Variants in KLHL7 observed in about 807,000 individuals in gnomAD.
The protein encoded by KLHL7 is kelch like family member 7, also known as kelch-like protein 7.
A neutral mutation model predicts 67.4 loss-of-function variants in KLHL7; 44 were observed. That is an observed-to-expected ratio of 0.65 (90% CI 0.51 to 0.84). The LOEUF (loss-of-function observed/expected upper bound fraction) is 0.84. Among genes scored for constraint, KLHL7 ranks in the 40% least tolerant of loss-of-function variants. KLHL7 has a pLI of 0.00. For synonymous variants in KLHL7, 252 were observed against 243.3 expected, an observed-to-expected ratio of 1.04 and a Z score of -0.33; for missense variants, 362 against 718.1, an observed-to-expected ratio of 0.50 and a Z score of 5.67.
At position 23,146,421 on chromosome 7, in the gene KLHL7, AGTTTGT is replaced by A. The variant is rs1464320812; in HGVS notation, c.793+2403_793+2408del. ...AGTCTCTTAGTACTATCAAAGACGG[AGTTTGT>A]GTTTGTTTCTTGTTTCTTTGTTGTT... On this transcript the variant is annotated intron_variant, in intron 6 of 10. Coordinates refer to ENST00000339077, the MANE Select transcript of KLHL7 (RefSeq NM_001031710.3). Among the ~76,000 whole-genome samples, 7 of 152,174 alleles carry A rather than the reference AGTTTGT, an allele frequency of 4.6e-5. No individual in the cohort carries two copies. In the Middle Eastern group the frequency reaches 0.014, roughly 296 times the overall value.
chr7:23,150,429 T>G (rs1282838181), intron 6 of KLHL7, among the ~76,000 whole-genome samples: 1 of 152,172 alleles, frequency 6.6e-6, no homozygotes, highest in South Asian at 2.1e-4. Flanking sequence ...AAATATACAT[T>G]TTTAACACAA....
At chr7:23,128,202 CA>C (rs1402630946) in intron 4 of KLHL7, among the ~76,000 whole-genome samples, 1 of 150,438 alleles carries the variant, frequency 6.6e-6, no homozygotes, top group Non-Finnish European at 1.5e-5. Context: ...TTTTGACATT[CA>C]ATTGAATTGA....
At chr7:23,112,746 G>A (rs535312780) in intron 1 of KLHL7, among the ~76,000 whole-genome samples, 13 of 152,246 alleles carry the variant, frequency 8.5e-5, no homozygotes, top group Admixed American at 4.6e-4. Context: ...TTATTTTGAT[G>A]GGCAGACAAA....
chr7:23,106,465 C>T (rs371479435), intron 1 of KLHL7: 1 of 1,210,294 alleles, frequency 8.3e-7, no homozygotes, highest in Non-Finnish European at 1.0e-6. Flanking sequence ...GGGCGAGGAT[C>T]CTTCCATTGG....
chr7:23,149,232 T>A (rs59576328), intron 6 of KLHL7, among the ~76,000 whole-genome samples: 14 of 152,258 alleles, frequency 9.2e-5, no homozygotes, highest in African/African-American at 3.4e-4. Flanking sequence ...CCCAAAGGAA[T>A]AAGCCTAAGC....
intron 7 of KLHL7, among the ~76,000 whole-genome samples, chr7:23,152,804 CACTCACATTTCT>C (rs1018837170): frequency 1.2e-4 from 18 of 152,062 alleles, no homozygotes; most frequent in Non-Finnish European, 1.2e-4. Context: ...TAAGACGGTC[CACTCACATTTCT>C]ACTCCTTGTT....
At chr7:23,138,999 T>C (rs1043463023) in intron 4 of KLHL7, among the ~76,000 whole-genome samples, 6 of 151,676 alleles carry the variant, frequency 4.0e-5, no homozygotes, top group Admixed American at 6.6e-5. Flanking sequence ...AATAGCAACA[T>C]TGGATGAAGA....
chr7:23,142,490 T>C (rs1201974544), intron 5 of KLHL7, among the ~76,000 whole-genome samples: 1 of 152,076 alleles, frequency 6.6e-6, no homozygotes, highest in African/African-American at 2.4e-5. Flanking sequence ...ATGATCAAAA[T>C]TGGTTGACTT....
In KLHL7 at chr7:23,105,956, CCA is replaced by C. The variant is rs1185031733; in HGVS notation, c.-70_-69del. On this transcript the variant is annotated 5_prime_UTR_variant, in exon 1 of 11. Transcript: ENST00000339077. ...TCGCCGTGTTTGGTCGATAGAATCC[CCA>C]GTGTGCCCAGAGAGTGCGACCCCTC... 1 of 1,571,488 alleles carries C rather than the reference CCA, an allele frequency of 6.4e-7. No homozygotes were observed. Among genetic ancestry groups the C allele is most frequent in the South Asian group, 1.2e-5 (1 of 85,938 alleles).
At chr7:23,123,553 T>C (rs1304091186) in intron 1 of KLHL7, among the ~76,000 whole-genome samples, 2 of 152,158 alleles carry the variant, frequency 1.3e-5, no homozygotes, top group Non-Finnish European at 2.9e-5. Flanking sequence ...GAACTTTTTC[T>C]TTCCTCTTGA....
chr7:23,143,830 T>C (rs751309452), intron 5 of KLHL7, 21 bp from the exon 6 acceptor site: 2 of 1,613,046 alleles, frequency 1.2e-6, no homozygotes, highest in African/African-American at 1.3e-5. Context: ...AGAACTTTAC[T>C]GTGCTGTTTT....
intron 6 of KLHL7, among the ~76,000 whole-genome samples, chr7:23,146,236 C>T (rs558684480): frequency 1.3e-5 from 2 of 152,220 alleles, no homozygotes; most frequent in Non-Finnish European, 2.9e-5. Context: ...TTCATCCCTA[C>T]CTGCACTTCT....
chr7:23,174,554 T>A lies in KLHL7; in HGVS notation c.*256T>A, dbSNP rs1185509313. ...TATAAGCATTTGTTAAAAATGTGAA[T>A]TTCTTGAATGAATTTCACATTTGTA... On this transcript the variant is annotated 3_prime_UTR_variant, in exon 11 of 11. Coordinates refer to ENST00000339077, the MANE Select transcript of KLHL7 (RefSeq NM_001031710.3). 1 of 602,490 alleles carries A rather than the reference T, an allele frequency of 1.7e-6. No homozygotes were observed. The highest frequency in any genetic ancestry group is 2.1e-5 in the Admixed American group (1 of 47,198). 37.3% of individuals were successfully genotyped at this position (602,490 alleles called of 1,614,324 possible).
chr7:23,105,828 T>G lies in KLHL7; in HGVS notation c.-199T>G. ...CAGCCCAGTTGGTAGCGTCGCTCCC[T>G]GAGCGTTTCTAAGGGGGCCGCCCGG... On this transcript the variant is annotated 5_prime_UTR_variant, in exon 1 of 11. Transcript: ENST00000339077. 5.4e-6 allele frequency: 4 copies of G among 742,912 alleles called. No homozygotes were observed. The highest frequency in any genetic ancestry group is 8.9e-6 in the Non-Finnish European group (4 of 450,864). The allele number at this position is 742,912 out of a possible 1,614,324, so 46.0% of individuals were successfully genotyped here.
In KLHL7 at chr7:23,175,086, A is replaced by G. The variant is rs908273668; in HGVS notation, c.*788A>G. The G allele has an allele frequency of 2.2e-6, 1 of 454,070 alleles. No individual in the cohort carries two copies. Among genetic ancestry groups the G allele is most frequent in the Middle Eastern group, 6.9e-4 (1 of 1,444 alleles). 28.1% of individuals were successfully genotyped at this position (454,070 alleles called of 1,614,324 possible). A position where few individuals can be genotyped will look rare whatever the true frequency, so the allele number is the denominator to read the frequency against. ...TGATTAACTAGCAAAAAGTAAAGCT[A>G]TTTATAGCAAATTTCTAGATCATTA... is the stretch of plus-strand genomic sequence containing the variant. On this transcript the variant is annotated 3_prime_UTR_variant, in exon 11 of 11. Transcript: ENST00000339077.
rs536424020 is a variant in KLHL7 at position 23,175,223 on chromosome 7, A to G, written c.*925A>G. On this transcript the variant is annotated 3_prime_UTR_variant, in exon 11 of 11. Coordinates refer to ENST00000339077, the MANE Select transcript of KLHL7 (RefSeq NM_001031710.3). The stretch of plus-strand genomic sequence containing the variant: ...GAAATATTTAACCTAGTTGTCTCTA[A>G]AAGTTTTGTAATCATGAGTTAGATA... The G allele has an allele frequency of 2.2e-6, 1 of 454,064 alleles. No homozygotes were observed. The highest frequency in any genetic ancestry group is 4.4e-6 in the Non-Finnish European group (1 of 226,764). The allele number at this position is 454,064 out of a possible 1,614,324, so 28.1% of individuals were successfully genotyped here.
At chr7:23,171,011 G>A (rs766825780) in intron 9 of KLHL7, 69 of 150,918 alleles carry the variant, frequency 4.6e-4, no homozygotes, top group Non-Finnish European at 8.6e-4. Flanking sequence ...AGGTTCAAGC[G>A]ATTCTCCTGC....
In KLHL7 at chr7:23,140,638, A is replaced by C. The variant is rs765816939; in HGVS notation, c.443-131A>C. On this transcript the variant is annotated intron_variant, in intron 4 of 10. Coordinates refer to ENST00000339077, the MANE Select transcript of KLHL7 (RefSeq NM_001031710.3). The stretch of plus-strand genomic sequence containing the variant: ...TATTGGCACAAGAATAGACAAATCA[A>C]TGAAACAGAAACGGATCCAGATTTA... 3.9e-6 allele frequency: 3 copies of C among 775,596 alleles called. No individual in the cohort carries two copies. The East Asian group carries it at 8.0e-5, about 21-fold the overall frequency. The allele number at this position is 775,596 out of a possible 1,614,324, so 48.0% of individuals were successfully genotyped here.
chr7:23,137,484 CTT>C (rs529297991), intron 4 of KLHL7, among the ~76,000 whole-genome samples: 69 of 141,532 alleles, frequency 4.9e-4, no homozygotes, highest in South Asian at 4.5e-3. Flanking sequence ...CCAAAACTGT[CTT>C]TTTTTTTTTT....
Sources: allele counts gnomAD v4.1 joint callset (sites outside exome capture counted in the v4.1 genomes callset), GRCh38; gene constraint gnomAD v4.1.1; transcripts MANE v1.5; gene names NCBI Gene and HGNC (gene_info 2026-07-23, HGNC 2026-07-21).